The following PLPPR1 variants were observed in gnomAD, a reference collection of about 807,000 sequenced individuals.
The protein encoded by PLPPR1 is phospholipid phosphatase related 1.
In PLPPR1, 10 loss-of-function variants were observed where a neutral mutation model predicts 33.1. The ratio of observed to expected loss-of-function variants is 0.30; its 90% CI spans 0.19 to 0.51. The LOEUF (loss-of-function observed/expected upper bound fraction) is 0.51. Ranked by LOEUF, PLPPR1 falls within the 20% of genes least tolerant of loss-of-function variation. The probability of loss-of-function intolerance (pLI) is 0.97; values close to 1 mark genes in which losing one functional copy is unlikely to be tolerated. For synonymous variants in PLPPR1, 151 were observed against 151.0 expected (o/e 1.00, Z 0.00); for missense variants, 304 against 408.1 (o/e 0.74, Z 2.20).
chr9:101,222,510 G>A (rs1033164688), intron 2 of PLPPR1, among the ~76,000 whole-genome samples: 1 of 151,954 alleles, frequency 6.6e-6, no homozygotes, highest in Admixed American at 6.6e-5. Flanking sequence ...GCTTCTCCTA[G>A]GGTACCTCCA....
intron 1 of PLPPR1, among the ~76,000 whole-genome samples, chr9:101,050,336 A>G (rs551197661): frequency 3.3e-5 from 5 of 152,178 alleles, no homozygotes. Flanking sequence ...TTTTCTGTCC[A>G]CTATGAGAAG....
intron 1 of PLPPR1, among the ~76,000 whole-genome samples, chr9:101,179,324 G>A (rs10819909): frequency 0.37 from 55,712 of 151,908 alleles, 10,839 homozygotes; most frequent in Non-Finnish European, 0.43. Flanking sequence ...CTTGCTGAAG[G>A]CAAAGGGAAT....
chr9:101,323,923 T>C, intron 7 of PLPPR1, 102 bp from the exon 8 acceptor site: 2 of 906,322 alleles, frequency 2.2e-6, no homozygotes, highest in South Asian at 1.5e-5. Flanking sequence ...ACAGCCTGTG[T>C]ACCCTTGAGG....
intron 1 of PLPPR1, among the ~76,000 whole-genome samples, chr9:101,111,351 A>C (rs541968024): frequency 6.6e-6 from 1 of 152,278 alleles, no homozygotes; most frequent in East Asian, 1.9e-4. Flanking sequence ...ATTCTATATT[A>C]TTGTAGCCCA....
chr9:101,221,345 C>G (rs1401217318), intron 2 of PLPPR1, among the ~76,000 whole-genome samples: 1 of 152,080 alleles, frequency 6.6e-6, no homozygotes, highest in Admixed American at 6.6e-5. Context: ...GATAAGTGTC[C>G]AGGGACAGCC....
chr9:101,145,980 C>A (rs1831516765), intron 1 of PLPPR1, among the ~76,000 whole-genome samples: 1 of 152,054 alleles, frequency 6.6e-6, no homozygotes, highest in Admixed American at 6.6e-5. Flanking sequence ...GGCACCACTG[C>A]ATTCTAGCTT....
At chr9:101,167,346 C>G (rs146951080) in intron 1 of PLPPR1, among the ~76,000 whole-genome samples, 3 of 150,882 alleles carry the variant, frequency 2.0e-5, no homozygotes, top group Admixed American at 1.3e-4. Context: ...CACAGCCTCC[C>G]CACTGCTCAG....
At chr9:101,067,699 A>G (rs1241300118) in intron 1 of PLPPR1, among the ~76,000 whole-genome samples, 1 of 152,064 alleles carries the variant, frequency 6.6e-6, no homozygotes, top group Non-Finnish European at 1.5e-5. Context: ...TTTGGCACTA[A>G]CAGATTCCTT....
chr9:101,044,330 T>TC (rs1191521841), intron 1 of PLPPR1, among the ~76,000 whole-genome samples: 1 of 152,150 alleles, frequency 6.6e-6, no homozygotes, highest in African/African-American at 2.4e-5. Flanking sequence ...CTAGACAACT[T>TC]TGCAGTTCAT....
chr9:101,283,819 A>C (rs531592257), intron 3 of PLPPR1, among the ~76,000 whole-genome samples: 2 of 152,298 alleles, frequency 1.3e-5, no homozygotes, highest in Non-Finnish European at 2.9e-5. Context: ...ACCCAATTTA[A>C]AAATGAAGAA....
chr9:101,120,525 T>C (rs774714031), intron 1 of PLPPR1, among the ~76,000 whole-genome samples: 6 of 152,260 alleles, frequency 3.9e-5, no homozygotes, highest in Non-Finnish European at 8.8e-5. Context: ...TCCTTGCCTT[T>C]CTGTTCATAG....
intron 1 of PLPPR1, among the ~76,000 whole-genome samples, chr9:101,062,125 C>A (rs1157801817): frequency 1.3e-5 from 2 of 151,292 alleles, no homozygotes; most frequent in African/African-American, 4.9e-5. Context: ...ATTTCTGGGG[C>A]ATTCACAGTT....
intron 1 of PLPPR1, among the ~76,000 whole-genome samples, chr9:101,074,692 G>C (rs1416501937): frequency 6.6e-6 from 1 of 151,990 alleles, no homozygotes; most frequent in Non-Finnish European, 1.5e-5. Flanking sequence ...TATGTGGTAG[G>C]TTTTCTGCCA....
chr9:101,035,501 T>C (rs909360717), intron 1 of PLPPR1, among the ~76,000 whole-genome samples: 4 of 152,198 alleles, frequency 2.6e-5, no homozygotes, highest in Admixed American at 2.6e-4. Context: ...TCCCTCTTTC[T>C]GGAATTCCGT....
At chr9:101,109,504 C>T (rs1378419190) in intron 1 of PLPPR1, among the ~76,000 whole-genome samples, 1 of 152,112 alleles carries the variant, frequency 6.6e-6, no homozygotes, top group African/African-American at 2.4e-5. Context: ...CAGTGCTATG[C>T]CATATACTTC....
chr9:101,270,518 C>T (rs1041900666), intron 3 of PLPPR1, among the ~76,000 whole-genome samples: 6 of 152,286 alleles, frequency 3.9e-5, no homozygotes, highest in African/African-American at 7.2e-5. Context: ...CTTCCGTAGA[C>T]ACCAGAGATG....
At chr9:101,125,258 TTATCTC>T (rs755416657) in intron 1 of PLPPR1, among the ~76,000 whole-genome samples, 17 of 150,392 alleles carry the variant, frequency 1.1e-4, no homozygotes, top group Non-Finnish European at 2.4e-4. Flanking sequence ...CTATCTCTAT[TTATCTC>T]TATCTCTATT....
intron 1 of PLPPR1, among the ~76,000 whole-genome samples, chr9:101,051,432 A>C (rs1027754243): frequency 1.3e-5 from 2 of 152,090 alleles, no homozygotes; most frequent in African/African-American, 4.8e-5. Flanking sequence ...TAAGCCCCAG[A>C]CTTTCTTCCT....
At chr9:101,080,326 C>T (rs1050467530) in intron 1 of PLPPR1, among the ~76,000 whole-genome samples, 3 of 151,934 alleles carry the variant, frequency 2.0e-5, no homozygotes, top group African/African-American at 7.3e-5. Context: ...AGTTCAAGAC[C>T]AGCCCGGCTG....
Sources: gnomAD v4.1 joint callset for allele counts (sites outside exome capture counted in the v4.1 genomes callset) on GRCh38, gnomAD v4.1.1 for gene constraint, MANE v1.5 for transcripts, NCBI Gene and HGNC (gene_info 2026-07-23, HGNC 2026-07-21) for gene names.